SLC16A9: variants seen among roughly 807,000 people sequenced by gnomAD.
SLC16A9 encodes solute carrier family 16 member 9.
Under a neutral mutation model 44.3 loss-of-function variants are expected in SLC16A9, and 26 were observed. That is an observed-to-expected ratio of 0.59 (90% confidence interval 0.43 to 0.81). The LOEUF is 0.81. SLC16A9 is among the 40% of genes least tolerant of loss of function. SLC16A9 has a pLI of 0.00. For missense variants in SLC16A9, 559 were observed against 595.8 expected, an observed-to-expected ratio of 0.94 and a Z score of 0.64; for synonymous variants, 230 against 225.1, an observed-to-expected ratio of 1.02 and a Z score of -0.19.
intron 1 of SLC16A9, among the ~76,000 whole-genome samples, chr10:59,697,976 A>AAC (rs553553994): frequency 0.02 from 3,045 of 150,286 alleles, 60 homozygotes; most frequent in Non-Finnish European, 0.032. Flanking sequence ...AAAAAAAACA[A>AAC]AAAACAAAAC....
At chr10:59,690,708 G>A (rs932609900) in intron 1 of SLC16A9, among the ~76,000 whole-genome samples, 4 of 151,928 alleles carry the variant, frequency 2.6e-5, no homozygotes, top group Non-Finnish European at 4.4e-5. Context: ...CAAGAAGTCT[G>A]TGTTTATAAC....
rs1260946037 is a variant in SLC16A9, at chr10:59,653,668, A to G, written c.1351+7T>C. The G allele has an allele frequency of 1.9e-6, 3 of 1,603,076 alleles. No homozygotes were observed. The highest frequency in any genetic ancestry group is 1.7e-5 in the Admixed American group (1 of 58,822). On this transcript the variant is annotated splice_region_variant and intron_variant, in intron 5 of 5. Coordinates refer to ENST00000395348, the MANE Select transcript of SLC16A9 (RefSeq NM_194298.3). ...AAAATGGGATGATTTTAAGATAAAT[A>G]TCTTACCAACGATGGGTGGTCCTAG... is the stretch of plus-strand genomic sequence containing the variant.
Position 59,694,833 on chromosome 10 carries a change from C to CATAT in SLC16A9, c.-36-10510_-36-10507dup, listed in dbSNP as rs3043432. 3.4e-3 allele frequency among the ~76,000 whole-genome samples: 339 copies of CATAT among 100,066 alleles called. 11 individuals are homozygous for CATAT. Among genetic ancestry groups the CATAT allele is most frequent in the African/African-American group, 7.8e-3 (230 of 29,442 alleles). The allele number at this position is 100,066 out of a possible 152,430, so 65.6% of individuals were successfully genotyped here. ...ATATATATATACACACACACACACACATATATATACACTAAATATTTTTAT... is the reference window on the plus strand; with the variant it reads ...ATATATATATACACACACACACACACATATATATATATACACTAAATATTTTTAT... On this transcript the variant is annotated intron_variant, in intron 1 of 5. Transcript: ENST00000395348.
chr10:59,684,589 A>C (rs1003490010), intron 1 of SLC16A9, among the ~76,000 whole-genome samples: 3 of 152,106 alleles, frequency 2.0e-5, no homozygotes, highest in Non-Finnish European at 4.4e-5. Flanking sequence ...AACCTTGTCC[A>C]CCTTCACCAG....
intron 1 of SLC16A9, among the ~76,000 whole-genome samples, chr10:59,704,650 A>T (rs1840599582): frequency 6.6e-6 from 1 of 152,204 alleles, no homozygotes; most frequent in Non-Finnish European, 1.5e-5. Context: ...ACTGAGATAC[A>T]TTGGTATCAT....
chr10:59,706,496 C>T lies in SLC16A9; in HGVS notation c.-37+2983G>A, dbSNP rs191489849. Among the ~76,000 whole-genome samples, 223 of 152,284 alleles carry T rather than the reference C, an allele frequency of 1.5e-3. 1 individual carries two copies. The highest frequency in any genetic ancestry group is 5.2e-3 in the African/African-American group (217 of 41,552). On this transcript the variant is annotated intron_variant, in intron 1 of 5. Transcript: ENST00000395348. Reference sequence around the variant, plus strand: ...ACTACCATATGATCCAGCAATCTCACTATATACCCAAAGGAAAGCATTATA... The same window carrying T: ...ACTACCATATGATCCAGCAATCTCATTATATACCCAAAGGAAAGCATTATA...
At chr10:59,692,165 G>A (rs970766511) in intron 1 of SLC16A9, among the ~76,000 whole-genome samples, 2 of 152,184 alleles carry the variant, frequency 1.3e-5, no homozygotes, top group Admixed American at 6.5e-5. Context: ...TAAGAGCCTA[G>A]AATCCTGTGA....
chr10:59,683,418 G>C (rs982844543), intron 2 of SLC16A9, among the ~76,000 whole-genome samples: 1 of 152,170 alleles, frequency 6.6e-6, no homozygotes, highest in Admixed American at 6.5e-5. Flanking sequence ...ATATGTAACT[G>C]TTCATCAAGA....
At chr10:59,680,151 C>T (rs566786875) in intron 2 of SLC16A9, among the ~76,000 whole-genome samples, 11 of 152,080 alleles carry the variant, frequency 7.2e-5, no homozygotes, top group South Asian at 4.2e-4. Context: ...ATCCTTCCTA[C>T]CCAGCTTTAT....
At chr10:59,666,871 CAA>C (rs34639816) in intron 3 of SLC16A9, among the ~76,000 whole-genome samples, 1,951 of 114,876 alleles carry the variant, frequency 0.017, 34 homozygotes, top group African/African-American at 0.046. Flanking sequence ...TATTTTCCAG[CAA>C]AAAAAAAAAA....
At chr10:59,697,349 G>C (rs1247161172) in intron 1 of SLC16A9, among the ~76,000 whole-genome samples, 1 of 150,682 alleles carries the variant, frequency 6.6e-6, no homozygotes, top group African/African-American at 2.4e-5. Flanking sequence ...TGTGTAGAAA[G>C]AGGTAGACAT....
At chr10:59,700,554 A>G (rs1840499901) in intron 1 of SLC16A9, among the ~76,000 whole-genome samples, 1 of 152,240 alleles carries the variant, frequency 6.6e-6, no homozygotes, top group African/African-American at 2.4e-5. Flanking sequence ...CCATCCAAGC[A>G]TATGCTAAAA....
intron 1 of SLC16A9, among the ~76,000 whole-genome samples, chr10:59,695,449 T>C (rs1840350657): frequency 6.6e-6 from 1 of 152,172 alleles, no homozygotes; most frequent in African/African-American, 2.4e-5. Flanking sequence ...ATTTACTTTT[T>C]AAAAGATGTA....
At chr10:59,707,689 T>C (rs1449074532) in intron 1 of SLC16A9, among the ~76,000 whole-genome samples, 2 of 152,144 alleles carry the variant, frequency 1.3e-5, no homozygotes, top group Non-Finnish European at 1.5e-5. Context: ...AAATACTGTG[T>C]TGTGTGCATC....
Position 59,672,911 on chromosome 10 carries a change from G to A in SLC16A9, c.199C>T (p.Pro67Ser). The A allele has an allele frequency of 6.3e-7, 1 of 1,597,282 alleles. No homozygotes were observed. The highest frequency in any genetic ancestry group is 8.5e-7 in the Non-Finnish European group (1 of 1,175,220). ...LASGVGLLAS[P>S]VCSLCVSSFG... is the part of the protein sequence containing the mutation. ...GATGAGACACAGAGACTGCAGACAG[G>A]ACCTAAAAAAAGAAATGAAACCTTC... The change falls in exon 3 of 6, where the codon CCT (proline) becomes TCT (serine). Residue 67 changes from proline (P) to serine (S), a missense_variant and splice_region_variant. Transcript: ENST00000395348.
intron 1 of SLC16A9, among the ~76,000 whole-genome samples, chr10:59,699,821 T>C (rs1840481892): frequency 6.6e-6 from 1 of 151,892 alleles, no homozygotes; most frequent in South Asian, 2.1e-4. Flanking sequence ...TCGACTCTCC[T>C]CCTTCCCTGC....
intron 2 of SLC16A9, among the ~76,000 whole-genome samples, chr10:59,678,546 C>CTTTTTTTCTTTTTTTT (rs1839912545): frequency 3.3e-5 from 1 of 30,594 alleles, no homozygotes; most frequent in Non-Finnish European, 7.1e-5. Context: ...TTTTCTTTTT[C>CTTTTTTTCTTTTTTTT]TTTTTTTTGA....
chr10:59,653,952 C>G lies in SLC16A9; in HGVS notation c.1074G>C (p.Leu358=). The G allele has an allele frequency of 6.2e-7, 1 of 1,613,984 alleles. No individual in the cohort carries two copies. Among genetic ancestry groups the G allele is most frequent in the Non-Finnish European group, 8.5e-7 (1 of 1,180,034 alleles). The part of the protein sequence containing the change: ...IIGIMTAVGK[L]LLGILADFKW... ...TGAAGTCAGCCAGTATCCCTAAAAG[C>G]AGTTTACCAACTGCTGTCATAATGC... Residue 358 remains leucine (L), a synonymous_variant, in exon 5 of 6, where the codon CTG becomes CTC. Transcript: ENST00000395348.
At chr10:59,680,911 AG>A (rs759027916) in intron 2 of SLC16A9, among the ~76,000 whole-genome samples, 23 of 151,940 alleles carry the variant, frequency 1.5e-4, no homozygotes, top group Non-Finnish European at 2.4e-4. Flanking sequence ...TGAACCCGGG[AG>A]GTCGAGGTTG....
Sources: allele counts gnomAD v4.1 joint callset (sites outside exome capture counted in the v4.1 genomes callset), GRCh38; gene constraint gnomAD v4.1.1; transcripts MANE v1.5; gene names NCBI Gene and HGNC (gene_info 2026-07-23, HGNC 2026-07-21).